Variants in VWA3B observed in about 807,000 individuals in gnomAD.
The protein encoded by VWA3B is von Willebrand factor A domain containing 3B, also known as von Willebrand factor A domain-containing protein 3B.
A neutral mutation model predicts 158.3 loss-of-function variants in VWA3B; 138 were observed. That is an observed-to-expected ratio of 0.87 (90% CI 0.76 to 1.00). The LOEUF is 1.00. Ranked by LOEUF, VWA3B falls within the 50% of genes least tolerant of loss-of-function variation. VWA3B has a pLI of 0.00. For synonymous variants in VWA3B, 596 were observed against 587.3 expected, an observed-to-expected ratio of 1.01 and a Z score of -0.21; for missense variants, 1,555 against 1,565.1, an observed-to-expected ratio of 0.99 and a Z score of 0.11.
chr2:98,308,748 G>A (rs572466279), intron 26 of VWA3B, among the ~76,000 whole-genome samples: 1 of 152,342 alleles, frequency 6.6e-6, no homozygotes, highest in African/African-American at 2.4e-5. Flanking sequence ...GGGGTTTCAG[G>A]CCGCCTGAAC....
chr2:98,106,884 C>T (rs558844014), intron 2 of VWA3B, among the ~76,000 whole-genome samples: 1 of 152,336 alleles, frequency 6.6e-6, no homozygotes, highest in African/African-American at 2.4e-5. Context: ...CTGGCTAGAA[C>T]TTCCAGCACT....
chr2:98,239,034 G>A (rs4374424), intron 19 of VWA3B, among the ~76,000 whole-genome samples: 94,407 of 152,034 alleles, frequency 0.62, 29,598 homozygotes, highest in South Asian at 0.84. Flanking sequence ...AAAAATCACC[G>A]ATAAACAGTA....
At chr2:98,275,111 C>T (rs994624326) in intron 22 of VWA3B, among the ~76,000 whole-genome samples, 5 of 152,176 alleles carry the variant, frequency 3.3e-5, no homozygotes, top group Non-Finnish European at 5.9e-5. Context: ...GTCTGTCTTC[C>T]CCACTGAAAT....
At chr2:98,256,008 C>T in intron 20 of VWA3B, 116 bp from the exon 21 acceptor site, 1 of 1,100,240 alleles carries the variant, frequency 9.1e-7, no homozygotes. Context: ...ATGACAGTGG[C>T]CTGGCTCAGT....
intron 14 of VWA3B, among the ~76,000 whole-genome samples, chr2:98,225,931 A>G (rs1221755565): frequency 6.6e-6 from 1 of 152,260 alleles, no homozygotes; most frequent in Non-Finnish European, 1.5e-5. Context: ...AAGATATCAA[A>G]GAAGATCTAA....
intron 14 of VWA3B, among the ~76,000 whole-genome samples, chr2:98,227,665 AT>A (rs944265648): frequency 1.3e-5 from 2 of 152,200 alleles, no homozygotes; most frequent in South Asian, 4.1e-4. Context: ...GTGTGATTCC[AT>A]TTGTATAAAA....
chr2:98,242,722 A>G (rs960417939), intron 19 of VWA3B, among the ~76,000 whole-genome samples: 18 of 145,944 alleles, frequency 1.2e-4, no homozygotes, highest in African/African-American at 4.6e-4. Flanking sequence ...GTGCACCCTC[A>G]TCATATACTA....
downstream of VWA3B, among the ~76,000 whole-genome samples, chr2:98,315,845 AGT>A (rs1435198943): frequency 6.6e-6 from 1 of 152,280 alleles, no homozygotes; most frequent in African/African-American, 2.4e-5. Flanking sequence ...AAAAGAATTC[AGT>A]GAGACGAAGG....
chr2:98,219,039 C>T (rs943402820), intron 14 of VWA3B, among the ~76,000 whole-genome samples: 1 of 152,210 alleles, frequency 6.6e-6, no homozygotes, highest in African/African-American at 2.4e-5. Flanking sequence ...AACTTAACTG[C>T]ATCCCAGAAC....
the VWA3B span, among the ~76,000 whole-genome samples, chr2:98,319,933 A>G: frequency 2.0e-5 from 3 of 151,918 alleles, 1 homozygote; most frequent in South Asian, 4.2e-4. Context: ...CAAAAAAACT[A>G]CATTTAGAGA....
At chr2:98,190,156 A>C (rs1681452439) in intron 10 of VWA3B, among the ~76,000 whole-genome samples, 1 of 151,782 alleles carries the variant, frequency 6.6e-6, no homozygotes, top group African/African-American at 2.4e-5. Flanking sequence ...ATTTTTTATT[A>C]TTACATTTTA....
At chr2:98,199,914 A>G (rs911308196) in intron 12 of VWA3B, among the ~76,000 whole-genome samples, 1 of 152,226 alleles carries the variant, frequency 6.6e-6, no homozygotes, top group Admixed American at 6.5e-5. Flanking sequence ...GTTTAACTTT[A>G]TAAGAAACTG....
intron 7 of VWA3B, among the ~76,000 whole-genome samples, chr2:98,160,198 T>C (rs1297058232): frequency 6.6e-6 from 1 of 152,174 alleles, no homozygotes; most frequent in African/African-American, 2.4e-5. Flanking sequence ...ACTAAGTCCT[T>C]AAAAGTGACC....
chr2:98,135,476 C>T (rs1489562411), intron 7 of VWA3B, among the ~76,000 whole-genome samples: 2 of 148,754 alleles, frequency 1.3e-5, no homozygotes, highest in Non-Finnish European at 3.0e-5. Context: ...GCTGGGACTA[C>T]AGGCGCCCGC....
At chr2:98,281,737 G>A (rs532261927) in intron 22 of VWA3B, among the ~76,000 whole-genome samples, 6 of 152,214 alleles carry the variant, frequency 3.9e-5, no homozygotes, top group African/African-American at 9.6e-5. Flanking sequence ...CCATATCACC[G>A]AGATTGAATC....
intron 23 of VWA3B, among the ~76,000 whole-genome samples, chr2:98,294,317 A>T (rs1689672670): frequency 6.6e-6 from 1 of 151,642 alleles, no homozygotes; most frequent in Non-Finnish European, 1.5e-5. Flanking sequence ...CCTCCTAAAC[A>T]TTTTTAGTAA....
intron 2 of VWA3B, among the ~76,000 whole-genome samples, chr2:98,103,014 A>G (rs1339586883): frequency 6.6e-6 from 1 of 152,196 alleles, no homozygotes; most frequent in East Asian, 1.9e-4. Flanking sequence ...CCTCAACAGT[A>G]TTTTCTAATA....
chr2:98,192,822 A>G (rs1192676126), intron 10 of VWA3B, 76 bp from the exon 11 acceptor site: 3 of 1,596,316 alleles, frequency 1.9e-6, no homozygotes, highest in Non-Finnish European at 2.6e-6. Context: ...CTGCAGATGC[A>G]TCGTTAAGTT....
In VWA3B at chr2:98,125,794, G is replaced by T. The variant is rs947474027; in HGVS notation, c.703-2445G>T. On this transcript the variant is annotated intron_variant, in intron 5 of 27. Transcript: ENST00000477737. This position sits in a 1 kb window ranked among gnomAD's most constrained non-coding sequence, Gnocchi z 4.1. ...TTCTCCTGCCTCAGCCTCCCCAGTA[G>T]CTGGGACTACAGGCGCCTGCCACCA... 1.1e-3 allele frequency among the ~76,000 whole-genome samples: 168 copies of T among 152,224 alleles called. 3 individuals carry two copies. Among genetic ancestry groups the T allele is most frequent in the Admixed American group, 4.0e-3 (61 of 15,292 alleles).
Sources: gnomAD v4.1 joint callset for allele counts (sites outside exome capture counted in the v4.1 genomes callset) on GRCh38, gnomAD v4.1.1 for gene constraint, Gnocchi (gnomAD v3.1) non-coding constraint, MANE v1.5 for transcripts, NCBI Gene and HGNC (gene_info 2026-07-23, HGNC 2026-07-21) for gene names.